HECTD4: variants seen among roughly 807,000 people sequenced by gnomAD.
HECTD4 encodes the protein probable E3 ubiquitin-protein ligase HECTD4.
Under a neutral mutation model 471.5 loss-of-function variants are expected in HECTD4, and 114 were observed. The observed-to-expected ratio is 0.24, with a 90% CI of 0.21 to 0.28. HECTD4 has a LOEUF of 0.28. Among genes scored for constraint, HECTD4 ranks in the 10% least tolerant of loss-of-function variants. The pLI is 1.00. For synonymous variants in HECTD4, 2,012 were observed against 2,256.0 expected (o/e 0.89, Z 3.07); for missense variants, 3,866 against 5,651.5 (o/e 0.68, Z 10.13).
chr12:112,235,319 G>A lies in HECTD4; in HGVS notation c.5726-53C>T, dbSNP rs2033475486. On this transcript the variant is annotated intron_variant, in intron 36 of 75. Transcript: ENST00000682272. This position sits in a 1 kb window ranked among gnomAD's most constrained non-coding sequence, Gnocchi z 5.0. ...GGAAAACTGCAGTGTTGTTTTGGCG[G>A]CTCTGCTAAAATGAAAAATAATGGT... The A allele has an allele frequency of 1.3e-6, 2 of 1,556,610 alleles. No individual in the cohort carries two copies. Among genetic ancestry groups the A allele is most frequent in the South Asian group, 1.2e-5 (1 of 83,494 alleles).
At chr12:112,293,442 T>C (rs1276327912) in intron 7 of HECTD4, among the ~76,000 whole-genome samples, 3 of 151,548 alleles carry the variant, frequency 2.0e-5, no homozygotes, top group Non-Finnish European at 4.4e-5. Flanking sequence ...CTCGGGAGGC[T>C]GAGGCAGGAG....
At chr12:112,360,311 C>A (rs1225958205) in intron 1 of HECTD4, among the ~76,000 whole-genome samples, 1 of 152,098 alleles carries the variant, frequency 6.6e-6, no homozygotes, top group Non-Finnish European at 1.5e-5. Context: ...GCCTGGGCAA[C>A]AGAGTGAGAC....
intron 49 of HECTD4, 75 bp from the exon 50 acceptor site, chr12:112,210,327 C>T: frequency 6.8e-7 from 1 of 1,473,970 alleles, no homozygotes; most frequent in Non-Finnish European, 9.4e-7. Context: ...CAAGGCGCAG[C>T]TCACTAAACG....
rs1039802734 is a variant in HECTD4, at chr12:112,194,157, C to T, written c.8750-483G>A. 5.9e-5 allele frequency among the ~76,000 whole-genome samples: 9 copies of T among 152,190 alleles called. 1 individual carries two copies. Among genetic ancestry groups the T allele is most frequent in the Admixed American group, 2.6e-4 (4 of 15,274 alleles). On this transcript the variant is annotated intron_variant, in intron 56 of 75. Coordinates refer to ENST00000682272, the MANE Select transcript of HECTD4 (RefSeq NM_001388303.1). The surrounding 1 kb of genome is among the most constrained non-coding windows in gnomAD (Gnocchi z 4.6). ...CTTGGGATGGGCTGTGGACCCCAGGCGCTCATATGGACCAGTAGCGATGTA... is the reference window on the plus strand; with the variant it reads ...CTTGGGATGGGCTGTGGACCCCAGGTGCTCATATGGACCAGTAGCGATGTA...
In HECTD4 at chr12:112,189,492, A is replaced by C. The variant is rs1258721744; in HGVS notation, c.9472+1294T>G. On this transcript the variant is annotated intron_variant, in intron 60 of 75. Transcript: ENST00000682272. Reference sequence around the variant, plus strand: ...GCATGAACCCGGGAGGCGGACTTGCAGTGAGCTAAGATGGCGCTACTGCAC... The same window carrying C: ...GCATGAACCCGGGAGGCGGACTTGCCGTGAGCTAAGATGGCGCTACTGCAC... Among the ~76,000 whole-genome samples, 2 of 134,118 alleles carry C rather than the reference A, an allele frequency of 1.5e-5. 1 individual carries two copies. The highest frequency in any genetic ancestry group is 3.1e-5 in the Non-Finnish European group (2 of 64,524). The allele number at this position is 134,118 out of a possible 152,430, so 88.0% of individuals were successfully genotyped here.
chr12:112,168,466 C>T (rs1005342057), intron 70 of HECTD4, among the ~76,000 whole-genome samples: 2 of 152,214 alleles, frequency 1.3e-5, no homozygotes, highest in East Asian at 1.9e-4. Flanking sequence ...CAAGATGGGC[C>T]TTTGGTTTTG....
intron 1 of HECTD4, among the ~76,000 whole-genome samples, chr12:112,365,770 T>G (rs1384388565): frequency 8.6e-6 from 1 of 116,896 alleles, no homozygotes; most frequent in Non-Finnish European, 1.7e-5. Flanking sequence ...TGTTTTTTTT[T>G]TGTTTTTTTT....
At chr12:112,247,128 A>G in intron 28 of HECTD4, 52 bp from the exon 29 acceptor site, 1 of 1,371,026 alleles carries the variant, frequency 7.3e-7, no homozygotes, top group Non-Finnish European at 1.0e-6. Context: ...TATCAAAAAC[A>G]ACTATTAAAA....
Position 112,283,314 on chromosome 12 carries a change from A to T in HECTD4, c.1336-12T>A. The T allele has an allele frequency of 6.3e-7, 1 of 1,593,182 alleles. No individual in the cohort carries two copies. Among genetic ancestry groups the T allele is most frequent in the Non-Finnish European group, 8.6e-7 (1 of 1,166,934 alleles). On this transcript the variant is annotated splice_polypyrimidine_tract_variant and intron_variant, in intron 7 of 75. Coordinates refer to ENST00000682272, the MANE Select transcript of HECTD4 (RefSeq NM_001388303.1). ...ACACCATTTTCAACCTAACATAGAA[A>T]AAAAGGAGGTCCTAAAATGATATCT...
At chr12:112,251,882 C>T (rs1214548107) in intron 23 of HECTD4, among the ~76,000 whole-genome samples, 2 of 152,160 alleles carry the variant, frequency 1.3e-5, no homozygotes, top group Admixed American at 1.3e-4. Context: ...AGCGATTCTC[C>T]TCCCTCAGCC....
chr12:112,170,984 T>C (rs1345746560), intron 68 of HECTD4, 133 bp downstream of exon 68: 4 of 679,862 alleles, frequency 5.9e-6, no homozygotes, highest in Non-Finnish European at 9.6e-6. Flanking sequence ...CCCTGCCTGC[T>C]ACATGAAAGG....
chr12:112,269,685 A>G lies in HECTD4; in HGVS notation c.2321+19T>C, dbSNP rs2034373250. 1 of 1,613,592 alleles carries G rather than the reference A, an allele frequency of 6.2e-7. No individual in the cohort carries two copies. The highest frequency in any genetic ancestry group is 1.3e-5 in the African/African-American group (1 of 75,022). ...GAATCATTTTGCAGAGAGCACTACA[A>G]AAATCATTAGCTGTTTACCTGATGG... On this transcript the variant is annotated intron_variant, in intron 13 of 75. Coordinates refer to ENST00000682272, the MANE Select transcript of HECTD4 (RefSeq NM_001388303.1).
intron 7 of HECTD4, among the ~76,000 whole-genome samples, chr12:112,304,307 C>T (rs927348706): frequency 7.3e-6 from 1 of 137,248 alleles, no homozygotes; most frequent in African/African-American, 2.7e-5. Context: ...CACACTGGTA[C>T]AATCAGGGCT....
rs1304337687 is a variant in HECTD4, at chr12:112,171,100, C to A, written c.11932+17G>T. 6.2e-7 allele frequency: 1 copy of A among 1,601,912 alleles called. No homozygotes were observed. The highest frequency in any genetic ancestry group is 8.5e-7 in the Non-Finnish European group (1 of 1,171,330). On this transcript the variant is annotated intron_variant, in intron 68 of 75. Coordinates refer to ENST00000682272, the MANE Select transcript of HECTD4 (RefSeq NM_001388303.1). ...CCTCTCTCTTCCTGCAGGGCCAGGG[C>A]AGGTGCAGGCACTGACCTTTGGCCT...
intron 49 of HECTD4, among the ~76,000 whole-genome samples, chr12:112,211,047 A>G (rs2032746129): frequency 6.6e-6 from 1 of 152,158 alleles, no homozygotes. Context: ...CTTATAGGTT[A>G]TTTTTTTAAA....
intron 1 of HECTD4, among the ~76,000 whole-genome samples, chr12:112,338,530 G>A (rs1310112521): frequency 6.6e-6 from 1 of 152,136 alleles, no homozygotes; most frequent in Admixed American, 6.6e-5. Flanking sequence ...CTGAGGCAGA[G>A]AATCGCTTGA....
chr12:112,344,787 G>A (rs2036117114), intron 1 of HECTD4, among the ~76,000 whole-genome samples: 1 of 151,736 alleles, frequency 6.6e-6, no homozygotes, highest in Non-Finnish European at 1.5e-5. Flanking sequence ...GCGTGGTGGC[G>A]CATGCCTGTA....
At chr12:112,217,248 T>C (rs761651870) in intron 45 of HECTD4, 53 bp from the exon 46 acceptor site, 24 of 1,422,812 alleles carry the variant, frequency 1.7e-5, no homozygotes, top group Non-Finnish European at 1.9e-5. Context: ...ACAATCCCTT[T>C]ACTCTCTCAA....
At position 112,306,039 on chromosome 12, in the gene HECTD4, T is replaced by C. The variant is rs2285807; in HGVS notation, c.1335+25A>G. ...GCAAACAGAAATGTTTCTGCAAAGA[T>C]ACAAGCGAGAAAGTTCAAACTTACC... On this transcript the variant is annotated intron_variant, in intron 7 of 75. Transcript: ENST00000682272. 55,016 of 1,580,108 alleles carry C rather than the reference T, an allele frequency of 0.035. 10,932 individuals carry two copies. In the East Asian group the frequency reaches 0.64, roughly 18 times the overall value.
Sources: allele counts gnomAD v4.1 joint callset (sites outside exome capture counted in the v4.1 genomes callset), GRCh38; gene constraint gnomAD v4.1.1; non-coding constraint Gnocchi (gnomAD v3.1); transcripts MANE v1.5; gene names NCBI Gene and HGNC (gene_info 2026-07-23, HGNC 2026-07-21).